Variants in RSPO2 observed in about 807,000 individuals in gnomAD.
The protein encoded by RSPO2 is R-spondin 2, also known as R-spondin-2.
In RSPO2, 14 loss-of-function variants were observed where a neutral mutation model predicts 30.9. The observed-to-expected ratio is 0.45, with a 90% confidence interval of 0.30 to 0.71. The LOEUF is 0.71. Among genes scored for constraint, RSPO2 ranks in the 30% least tolerant of loss-of-function variants. RSPO2 has a pLI of 0.08. For missense variants in RSPO2, 264 were observed against 301.9 expected, an observed-to-expected ratio of 0.87 and a Z score of 0.93; for synonymous variants, 107 against 96.4, an observed-to-expected ratio of 1.11 and a Z score of -0.64.
intron 2 of RSPO2, among the ~76,000 whole-genome samples, chr8:108,004,539 T>G (rs993036357): frequency 7.2e-5 from 11 of 152,206 alleles, no homozygotes; most frequent in Admixed American, 3.9e-4. Context: ...TGGAGAGGAA[T>G]TTGTCACTGC....
chr8:107,906,358 T>TATTTTATATTTTTATTAATAGC (rs1811643231), intron 5 of RSPO2, among the ~76,000 whole-genome samples: 2 of 149,528 alleles, frequency 1.3e-5, no homozygotes, highest in Non-Finnish European at 3.0e-5. Context: ...TTATATTTTA[T>TATTTTATATTTTTATTAATAGC]ATTTTATATT....
intron 3 of RSPO2, among the ~76,000 whole-genome samples, chr8:107,964,959 G>A (rs1334158551): frequency 3.9e-5 from 6 of 152,166 alleles, no homozygotes; most frequent in Admixed American, 3.9e-4. Flanking sequence ...AATAGCCACT[G>A]TGTTAACAGT....
chr8:107,977,801 T>C (rs1814270730), intron 3 of RSPO2, among the ~76,000 whole-genome samples: 1 of 152,130 alleles, frequency 6.6e-6, no homozygotes. Flanking sequence ...GGTTTAACCA[T>C]ATATTAGCAT....
intron 2 of RSPO2, among the ~76,000 whole-genome samples, chr8:108,065,392 G>A (rs554380405): frequency 2.4e-4 from 36 of 151,588 alleles, no homozygotes; most frequent in African/African-American, 6.8e-4. Flanking sequence ...TACGAGCCAC[G>A]TATTAAATAT....
At chr8:108,081,962 T>C in intron 2 of RSPO2, 1 of 983,686 alleles carries the variant, frequency 1.0e-6, no homozygotes, top group Non-Finnish European at 1.2e-6. Context: ...AAAAGAGATC[T>C]ATGTTGGCCT....
At chr8:108,035,431 CT>C (rs983779346) in intron 2 of RSPO2, among the ~76,000 whole-genome samples, 10 of 151,842 alleles carry the variant, frequency 6.6e-5, no homozygotes, top group East Asian at 3.9e-4. Flanking sequence ...CTCACCAGTT[CT>C]TTTTTTTGTT....
intron 2 of RSPO2, among the ~76,000 whole-genome samples, chr8:108,035,900 A>AACC (rs1157054483): frequency 1.3e-5 from 2 of 152,150 alleles, no homozygotes; most frequent in African/African-American, 4.8e-5. Flanking sequence ...CAGGTTTGGG[A>AACC]ACCACCAAGT....
At position 108,033,706 on chromosome 8, in the gene RSPO2, T is replaced by C. The variant is rs1811503744; in HGVS notation, c.95-44462A>G. 5.3e-5 allele frequency among the ~76,000 whole-genome samples: 8 copies of C among 152,220 alleles called. No individual in the cohort carries two copies. In the South Asian group the frequency reaches 1.7e-3, roughly 32 times the overall value. On this transcript the variant is annotated intron_variant, in intron 2 of 5. Transcript: ENST00000276659. The stretch of plus-strand genomic sequence containing the variant: ...TCTTATTAAAAAGCAGCTCTTGCTA[T>C]GGAGTTTTTACAATTTACTTGTATA...
intron 2 of RSPO2, among the ~76,000 whole-genome samples, chr8:108,056,273 T>G (rs1036946860): frequency 3.3e-5 from 5 of 152,088 alleles, no homozygotes; most frequent in African/African-American, 9.7e-5. Flanking sequence ...TGTAAGCTAA[T>G]AAGTATGTGT....
intron 2 of RSPO2, among the ~76,000 whole-genome samples, chr8:108,020,287 C>T (rs1811017769): frequency 6.6e-6 from 1 of 152,174 alleles, no homozygotes; most frequent in Admixed American, 6.5e-5. Flanking sequence ...ACATTTCTCA[C>T]TCCAGAACTT....
At chr8:108,024,702 T>G (rs1230593344) in intron 2 of RSPO2, among the ~76,000 whole-genome samples, 1 of 152,182 alleles carries the variant, frequency 6.6e-6, no homozygotes, top group East Asian at 1.9e-4. Flanking sequence ...TGTTAATATT[T>G]TACGTACTCA....
At chr8:108,056,190 T>G (rs1812236106) in intron 2 of RSPO2, among the ~76,000 whole-genome samples, 1 of 152,120 alleles carries the variant, frequency 6.6e-6, no homozygotes, top group African/African-American at 2.4e-5. Context: ...TATTGGACAT[T>G]TATAATCAAA....
intron 3 of RSPO2, among the ~76,000 whole-genome samples, chr8:107,969,320 G>A (rs1026699676): frequency 1.4e-4 from 21 of 152,026 alleles, no homozygotes; most frequent in Admixed American, 3.9e-4. Context: ...TATTTTAACT[G>A]CCGAGGACAT....
At chr8:107,918,765 C>A (rs1812059813) in intron 5 of RSPO2, among the ~76,000 whole-genome samples, 1 of 151,960 alleles carries the variant, frequency 6.6e-6, no homozygotes, top group Admixed American at 6.6e-5. Flanking sequence ...ATAATCAGGC[C>A]AAGTACAATA....
chr8:108,066,589 A>C (rs1812675247), intron 2 of RSPO2, among the ~76,000 whole-genome samples: 2 of 152,320 alleles, frequency 1.3e-5, no homozygotes, highest in Admixed American at 1.3e-4. Flanking sequence ...CCACTGTCCC[A>C]GCTAAACACG....
At chr8:108,021,138 A>AT (rs778802207) in intron 2 of RSPO2, among the ~76,000 whole-genome samples, 1 of 152,308 alleles carries the variant, frequency 6.6e-6, no homozygotes, top group Admixed American at 6.5e-5. Flanking sequence ...ATTTAGTGCA[A>AT]CATTAATAAA....
At chr8:108,075,123 G>A (rs894652365) in intron 2 of RSPO2, among the ~76,000 whole-genome samples, 1 of 152,066 alleles carries the variant, frequency 6.6e-6, no homozygotes, top group Non-Finnish European at 1.5e-5. Flanking sequence ...TCATTCATAT[G>A]GTCAAAGTGT....
At chr8:107,952,288 T>TGCACACACACACACACACACACAC (rs1813276882) in intron 5 of RSPO2, among the ~76,000 whole-genome samples, 1 of 90,094 alleles carries the variant, frequency 1.1e-5, no homozygotes, top group Non-Finnish European at 2.6e-5. Flanking sequence ...CACACACACA[T>TGCACACACACACACACACACACAC]GCACACACAC....
chr8:108,067,254 T>C (rs1028717388), intron 2 of RSPO2, among the ~76,000 whole-genome samples: 7 of 152,170 alleles, frequency 4.6e-5, no homozygotes, highest in Non-Finnish European at 8.8e-5. Flanking sequence ...TAAAGACATT[T>C]TTGAGGCAAT....
Sources: gnomAD v4.1 joint callset for allele counts (sites outside exome capture counted in the v4.1 genomes callset) on GRCh38, gnomAD v4.1.1 for gene constraint, MANE v1.5 for transcripts, NCBI Gene and HGNC (gene_info 2026-07-23, HGNC 2026-07-21) for gene names.